KIF16B: variants seen among roughly 807,000 people sequenced by gnomAD.
KIF16B encodes the protein kinesin-like protein KIF16B.
A neutral mutation model predicts 156.3 loss-of-function variants in KIF16B; 98 were observed. That is an observed-to-expected ratio of 0.63 (90% CI 0.53 to 0.74). The LOEUF (loss-of-function observed/expected upper bound fraction) is 0.74. Ranked by LOEUF, KIF16B falls within the 30% of genes least tolerant of loss-of-function variation. The pLI is 0.00. For missense variants in KIF16B, 1,421 were observed against 1,606.5 expected, an observed-to-expected ratio of 0.88 and a Z score of 1.97; for synonymous variants, 564 against 583.7, an observed-to-expected ratio of 0.97 and a Z score of 0.49.
At chr20:16,497,510 TAAAGAA>T in intron 11 of KIF16B, 97 bp downstream of exon 11, 1 of 871,138 alleles carries the variant, frequency 1.1e-6, no homozygotes, top group South Asian at 1.5e-5. Flanking sequence ...CTAAGTGCAA[TAAAGAA>T]AAAGAAGGCA....
At chr20:16,301,169 C>T (rs114761530) in intron 25 of KIF16B, among the ~76,000 whole-genome samples, 472 of 152,284 alleles carry the variant, frequency 3.1e-3, no homozygotes, top group African/African-American at 0.011. Flanking sequence ...CTTGAAAGCT[C>T]GTTTCTTTTT....
At chr20:16,336,255 C>G (rs2122960887) in intron 23 of KIF16B, among the ~76,000 whole-genome samples, 1 of 152,226 alleles carries the variant, frequency 6.6e-6, no homozygotes, top group African/African-American at 2.4e-5. Flanking sequence ...AAGTGAAGGG[C>G]AGATGGTCAT....
At chr20:16,292,535 G>A (rs2063328658) in intron 25 of KIF16B, among the ~76,000 whole-genome samples, 1 of 152,198 alleles carries the variant, frequency 6.6e-6, no homozygotes, top group Non-Finnish European at 1.5e-5. Flanking sequence ...CTGAAAAAAA[G>A]CACAAGGTAT....
intron 24 of KIF16B, among the ~76,000 whole-genome samples, chr20:16,315,913 A>T (rs933509778): frequency 1.3e-5 from 2 of 152,220 alleles, no homozygotes; most frequent in African/African-American, 2.4e-5. Context: ...AAGCCAAAGA[A>T]GAAAGCCAAG....
At chr20:16,491,077 C>G (rs1222433919) in intron 12 of KIF16B, among the ~76,000 whole-genome samples, 20 of 152,162 alleles carry the variant, frequency 1.3e-4, no homozygotes, top group Admixed American at 1.3e-3. Context: ...AAAATTCATC[C>G]TAACTGGGAA....
intron 15 of KIF16B, among the ~76,000 whole-genome samples, chr20:16,406,935 T>C (rs1016993746): frequency 6.6e-6 from 1 of 152,194 alleles, no homozygotes; most frequent in African/African-American, 2.4e-5. Context: ...TAACTATTAC[T>C]AAAATCTCCC....
rs760153807 is a variant in KIF16B, at chr20:16,354,658, A to C, written c.3621+1672T>G. On this transcript the variant is annotated intron_variant, in intron 23 of 25. Coordinates refer to ENST00000354981, the MANE Select transcript of KIF16B (RefSeq NM_024704.5). Reference sequence around the variant, plus strand: ...TTGGATAAGCAAAGTTAAGAATAACAGCAAAGGCTGGGCGCGGTGGCTCAT... The same window carrying C: ...TTGGATAAGCAAAGTTAAGAATAACCGCAAAGGCTGGGCGCGGTGGCTCAT... 2.0e-5 allele frequency among the ~76,000 whole-genome samples: 3 copies of C among 152,362 alleles called. No individual in the cohort carries two copies. The Middle Eastern group carries it at 0.01, about 518-fold the overall frequency.
intron 25 of KIF16B, among the ~76,000 whole-genome samples, chr20:16,292,182 A>G (rs2122496297): frequency 6.6e-6 from 1 of 152,360 alleles, no homozygotes; most frequent in East Asian, 1.9e-4. Context: ...TGAAAAGTAT[A>G]TATGTAAATG....
chr20:16,314,555 A>G (rs941052664), intron 24 of KIF16B, among the ~76,000 whole-genome samples: 2 of 152,204 alleles, frequency 1.3e-5, no homozygotes, highest in African/African-American at 4.8e-5. Flanking sequence ...CTGAGGCAAG[A>G]CAGACCCAGT....
rs551154011 is a variant in KIF16B, at chr20:16,508,480, G to A, written c.557-380C>T. ...GGGGTAGGGGGAACAGATTCGGGAT[G>A]AAATTGTTCCACACCTCAGATGATA... On this transcript the variant is annotated intron_variant, in intron 6 of 25. Coordinates refer to ENST00000354981, the MANE Select transcript of KIF16B (RefSeq NM_024704.5). Among the ~76,000 whole-genome samples, 5 of 152,308 alleles carry A rather than the reference G, an allele frequency of 3.3e-5. No homozygotes were observed. The East Asian group carries it at 9.7e-4, about 29-fold the overall frequency.
intron 10 of KIF16B, among the ~76,000 whole-genome samples, chr20:16,501,706 C>T (rs76142678): frequency 2.0e-5 from 3 of 152,242 alleles, no homozygotes; most frequent in African/African-American, 7.2e-5. Context: ...GCATGGGTGA[C>T]TCTCACAAAC....
At chr20:16,544,299 T>C (rs1285029786) in intron 1 of KIF16B, among the ~76,000 whole-genome samples, 1 of 151,944 alleles carries the variant, frequency 6.6e-6, no homozygotes, top group Admixed American at 6.6e-5. Flanking sequence ...AAGTGACTTA[T>C]CCTTCAAAGC....
At chr20:16,314,973 G>A (rs1029732388) in intron 24 of KIF16B, among the ~76,000 whole-genome samples, 22 of 152,240 alleles carry the variant, frequency 1.4e-4, no homozygotes, top group East Asian at 7.7e-4. Context: ...ATGCTGTGGT[G>A]CTGAAAGCTT....
At chr20:16,556,853 A>G (rs2070867431) in intron 1 of KIF16B, among the ~76,000 whole-genome samples, 1 of 152,116 alleles carries the variant, frequency 6.6e-6, no homozygotes, top group Admixed American at 6.5e-5. Flanking sequence ...ATCTGTGGTT[A>G]GCTACCCCTT....
intron 25 of KIF16B, among the ~76,000 whole-genome samples, chr20:16,301,069 T>C (rs1312623971): frequency 2.0e-5 from 3 of 152,236 alleles, no homozygotes; most frequent in Admixed American, 6.5e-5. Flanking sequence ...AAATGCCATA[T>C]AGTTAGAATC....
At chr20:16,438,934 C>T (rs1336413017) in intron 12 of KIF16B, among the ~76,000 whole-genome samples, 1 of 151,994 alleles carries the variant, frequency 6.6e-6, no homozygotes, top group Admixed American at 6.6e-5. Flanking sequence ...GATTTAAAAA[C>T]AAACAAAAAT....
intron 12 of KIF16B, among the ~76,000 whole-genome samples, chr20:16,430,955 A>G (rs2066483102): frequency 6.8e-6 from 1 of 147,234 alleles, no homozygotes; most frequent in Admixed American, 6.7e-5. Flanking sequence ...ACAAAAAACA[A>G]AACAAACAAA....
At chr20:16,343,614 A>G (rs2064179878) in intron 23 of KIF16B, among the ~76,000 whole-genome samples, 1 of 152,260 alleles carries the variant, frequency 6.6e-6, no homozygotes, top group African/African-American at 2.4e-5. Flanking sequence ...TTGCAAAATA[A>G]AGCTTAGGCA....
intron 12 of KIF16B, among the ~76,000 whole-genome samples, chr20:16,445,042 G>A (rs898732991): frequency 6.6e-6 from 1 of 152,022 alleles, no homozygotes; most frequent in Non-Finnish European, 1.5e-5. Flanking sequence ...AGGGAAATAC[G>A]AATATATTAG....
Sources: allele counts gnomAD v4.1 joint callset (sites outside exome capture counted in the v4.1 genomes callset), GRCh38; gene constraint gnomAD v4.1.1; transcripts MANE v1.5; gene names NCBI Gene and HGNC (gene_info 2026-07-23, HGNC 2026-07-21).